Variants in CCSER1 observed in about 807,000 individuals in gnomAD.
CCSER1 encodes serine-rich coiled-coil domain-containing protein 1.
In CCSER1, 41 loss-of-function variants were observed where a neutral mutation model predicts 82.0. The observed-to-expected ratio is 0.50, with a 90% CI of 0.39 to 0.65. CCSER1 has a LOEUF of 0.65. Among genes scored for constraint, CCSER1 ranks in the 30% least tolerant of loss-of-function variants. CCSER1 has a pLI of 0.00. For synonymous variants in CCSER1, 414 were observed against 383.9 expected, an observed-to-expected ratio of 1.08 and a Z score of -0.92; for missense variants, 1,119 against 1,064.2, an observed-to-expected ratio of 1.05 and a Z score of -0.72.
At chr4:90,775,548 G>A (rs974727597) in intron 7 of CCSER1, among the ~76,000 whole-genome samples, 1 of 152,092 alleles carries the variant, frequency 6.6e-6, no homozygotes, top group South Asian at 2.1e-4. Flanking sequence ...TTTAAATGCA[G>A]CAGTTTCTGT....
intron 10 of CCSER1, among the ~76,000 whole-genome samples, chr4:91,087,875 G>A (rs768189792): frequency 3.3e-5 from 5 of 152,064 alleles, no homozygotes; most frequent in Admixed American, 6.5e-5. Flanking sequence ...TGACTAAGAG[G>A]CCTAGTATGT....
intron 1 of CCSER1, among the ~76,000 whole-genome samples, chr4:90,213,648 A>C (rs913473898): frequency 2.6e-5 from 4 of 152,188 alleles, no homozygotes; most frequent in Admixed American, 6.5e-5. Flanking sequence ...GGTGAGGGAC[A>C]AGCCAAGAAG....
chr4:90,682,258 C>T (rs984679564), intron 6 of CCSER1, among the ~76,000 whole-genome samples: 6 of 150,346 alleles, frequency 4.0e-5, no homozygotes, highest in Admixed American at 2.0e-4. Flanking sequence ...TGTGCTCATA[C>T]CCTATTAAAA....
intron 1 of CCSER1, among the ~76,000 whole-genome samples, chr4:90,158,609 C>G (rs539271029): frequency 6.6e-6 from 1 of 152,184 alleles, no homozygotes; most frequent in African/African-American, 2.4e-5. Flanking sequence ...GCCTGGCTGC[C>G]GCCTTGCAGT....
chr4:91,508,011 T>A (rs1017996601), intron 10 of CCSER1, among the ~76,000 whole-genome samples: 1 of 28,246 alleles, frequency 3.5e-5, no homozygotes, highest in Non-Finnish European at 7.8e-5. Context: ...TATATATATA[T>A]GAAATTATGT....
intron 8 of CCSER1, among the ~76,000 whole-genome samples, chr4:90,860,410 A>C (rs1306752318): frequency 1.3e-5 from 2 of 151,798 alleles, no homozygotes; most frequent in African/African-American, 4.8e-5. Flanking sequence ...GTTGGGGATG[A>C]AAATGATGTG....
At chr4:91,550,676 C>T (rs935450132) in intron 10 of CCSER1, among the ~76,000 whole-genome samples, 1 of 152,088 alleles carries the variant, frequency 6.6e-6, no homozygotes, top group Non-Finnish European at 1.5e-5. Context: ...TATACTATAT[C>T]ATACCATATC....
At chr4:90,375,583 A>C (rs1748174889) in intron 3 of CCSER1, among the ~76,000 whole-genome samples, 1 of 152,260 alleles carries the variant, frequency 6.6e-6, no homozygotes, top group African/African-American at 2.4e-5. Flanking sequence ...AAATATCCCT[A>C]AACTTAACTG....
At chr4:91,377,507 G>A (rs993651676) in intron 10 of CCSER1, among the ~76,000 whole-genome samples, 6 of 152,180 alleles carry the variant, frequency 3.9e-5, no homozygotes, top group Admixed American at 1.3e-4. Context: ...CCAGTGATGT[G>A]AGCATGTTTT....
intron 4 of CCSER1, among the ~76,000 whole-genome samples, chr4:90,465,795 T>A (rs867375926): frequency 3.6e-4 from 55 of 152,290 alleles, no homozygotes; most frequent in African/African-American, 1.2e-3. Flanking sequence ...AGTAAAGAAG[T>A]TTGTACTTTA....
chr4:90,662,932 A>T (rs1731090438), intron 6 of CCSER1, among the ~76,000 whole-genome samples: 1 of 152,174 alleles, frequency 6.6e-6, no homozygotes, highest in East Asian at 1.9e-4. Context: ...CTGCTTAGAA[A>T]TACTGAGGCA....
At chr4:90,234,621 C>G (rs1454786198) in intron 1 of CCSER1, among the ~76,000 whole-genome samples, 1 of 152,056 alleles carries the variant, frequency 6.6e-6, no homozygotes, top group African/African-American at 2.4e-5. Context: ...TTTTGAGTTG[C>G]CCTCTACATT....
intron 9 of CCSER1, among the ~76,000 whole-genome samples, chr4:91,008,997 T>C (rs1738765222): frequency 6.6e-6 from 1 of 152,192 alleles, no homozygotes. Flanking sequence ...CACTTAGCCG[T>C]GCAGGAACAA....
chr4:90,152,826 A>T (rs1428932779), intron 1 of CCSER1, among the ~76,000 whole-genome samples: 1 of 151,550 alleles, frequency 6.6e-6, no homozygotes, highest in Non-Finnish European at 1.5e-5. Context: ...GTAGACCAGC[A>T]TGCTCAGAGT....
At chr4:90,695,324 C>G (rs962950297) in intron 6 of CCSER1, among the ~76,000 whole-genome samples, 1 of 151,806 alleles carries the variant, frequency 6.6e-6, no homozygotes, top group Non-Finnish European at 1.5e-5. Flanking sequence ...ACTAAGCACT[C>G]TTTTGGAGAA....
At chr4:90,695,584 G>A (rs1449367591) in intron 6 of CCSER1, among the ~76,000 whole-genome samples, 1 of 151,966 alleles carries the variant, frequency 6.6e-6, no homozygotes, top group African/African-American at 2.4e-5. Flanking sequence ...ACATGTAAAG[G>A]CAATACAGTT....
At chr4:90,930,423 A>G (rs530639486) in intron 9 of CCSER1, among the ~76,000 whole-genome samples, 30 of 151,916 alleles carry the variant, frequency 2.0e-4, no homozygotes, top group African/African-American at 7.0e-4. Context: ...AACACGGTGA[A>G]ACCCCATCTC....
At chr4:91,218,270 GC>G (rs1236536608) in intron 10 of CCSER1, among the ~76,000 whole-genome samples, 1 of 152,140 alleles carries the variant, frequency 6.6e-6, no homozygotes, top group Non-Finnish European at 1.5e-5. Context: ...CGAGAGCGGG[GC>G]CCACCAAGCC....
intron 1 of CCSER1, among the ~76,000 whole-genome samples, chr4:90,242,157 A>T (rs867563938): frequency 1.3e-5 from 2 of 152,186 alleles, no homozygotes; most frequent in Non-Finnish European, 2.9e-5. Flanking sequence ...AATAAAAAAA[A>T]TTAGCTGGGC....
Sources: gnomAD v4.1 joint callset for allele counts (sites outside exome capture counted in the v4.1 genomes callset) on GRCh38, gnomAD v4.1.1 for gene constraint, MANE v1.5 for transcripts, NCBI Gene and HGNC (gene_info 2026-07-23, HGNC 2026-07-21) for gene names.